IQCJ: variants seen among roughly 807,000 people sequenced by gnomAD.
IQCJ encodes the protein IQ domain-containing protein J.
IQCJ carries 9 observed loss-of-function variants against 11.0 expected under a neutral mutation model. That is an observed-to-expected ratio of 0.82 (90% CI 0.49 to 1.43). The LOEUF (loss-of-function observed/expected upper bound fraction) is 1.43. IQCJ is among the 40% of genes most tolerant of loss of function. IQCJ has a pLI of 0.00. For synonymous variants in IQCJ, 55 were observed against 51.3 expected (o/e 1.07, Z -0.31); for missense variants, 146 against 133.2 (o/e 1.10, Z -0.47).
intron 1 of IQCJ, among the ~76,000 whole-genome samples, chr3:159,203,037 C>G (rs975894723): frequency 6.6e-6 from 1 of 151,796 alleles, no homozygotes; most frequent in African/African-American, 2.4e-5. Context: ...TTGACCCATA[C>G]CTGATAACTG....
chr3:159,144,244 C>T (rs1350085426), intron 1 of IQCJ, among the ~76,000 whole-genome samples: 1 of 152,190 alleles, frequency 6.6e-6, no homozygotes, highest in Non-Finnish European at 1.5e-5. Flanking sequence ...TATTCAGTTG[C>T]AGATCCAGGA....
intron 1 of IQCJ, among the ~76,000 whole-genome samples, chr3:159,197,097 C>A (rs1012398240): frequency 6.6e-5 from 10 of 152,020 alleles, no homozygotes; most frequent in Non-Finnish European, 1.3e-4. Context: ...CTTCCTTTGC[C>A]ACTTGTATGT....
intron 1 of IQCJ, among the ~76,000 whole-genome samples, chr3:159,118,014 A>G (rs1458587842): frequency 6.6e-6 from 1 of 152,160 alleles, no homozygotes; most frequent in Non-Finnish European, 1.5e-5. Context: ...AAATAATTCC[A>G]TAAAAATGGT....
intron 1 of IQCJ, among the ~76,000 whole-genome samples, chr3:159,211,556 G>A (rs1205455466): frequency 6.6e-6 from 1 of 152,150 alleles, no homozygotes; most frequent in African/African-American, 2.4e-5. Flanking sequence ...ACTGTTTTTA[G>A]TTCTAAAGAG....
chr3:159,091,673 T>A (rs6777281), intron 1 of IQCJ, among the ~76,000 whole-genome samples: 4 of 10,992 alleles, frequency 3.6e-4, no homozygotes, highest in Non-Finnish European at 1.3e-3. Context: ...CACACACGCA[T>A]GCACACACAC....
chr3:159,163,301 A>G (rs1721978362), intron 1 of IQCJ, among the ~76,000 whole-genome samples: 1 of 152,232 alleles, frequency 6.6e-6, no homozygotes, highest in African/African-American at 2.4e-5. Flanking sequence ...TCCAGCATAT[A>G]AACAGAACCA....
chr3:159,257,170 G>C (rs1727942622), intron 3 of IQCJ, among the ~76,000 whole-genome samples: 1 of 152,184 alleles, frequency 6.6e-6, no homozygotes, highest in African/African-American at 2.4e-5. Context: ...CAGAACTGTG[G>C]AGTGGTCACT....
chr3:159,113,470 G>A (rs1054163803), intron 1 of IQCJ, among the ~76,000 whole-genome samples: 6 of 152,204 alleles, frequency 3.9e-5, no homozygotes. Flanking sequence ...CCTTGTGACA[G>A]CGTCTGTCAC....
chr3:159,069,568 A>T, intron 1 of IQCJ, 127 bp downstream of exon 1: 1 of 1,347,330 alleles, frequency 7.4e-7, no homozygotes, highest in Non-Finnish European at 1.0e-6. Context: ...CTTATAGAAC[A>T]GTGTGGGCTT....
chr3:159,082,236 T>C (rs568418334), intron 1 of IQCJ, among the ~76,000 whole-genome samples: 2 of 152,168 alleles, frequency 1.3e-5, no homozygotes, highest in South Asian at 4.1e-4. Context: ...AACAAAGATA[T>C]ATGAAAATTA....
chr3:159,250,626 C>A (rs575995164), intron 2 of IQCJ, among the ~76,000 whole-genome samples: 1 of 152,140 alleles, frequency 6.6e-6, no homozygotes, highest in Non-Finnish European at 1.5e-5. Flanking sequence ...GAGTGCCCAG[C>A]AATTGGGGGA....
intron 1 of IQCJ, among the ~76,000 whole-genome samples, chr3:159,214,691 A>T (rs1725131371): frequency 6.6e-6 from 1 of 152,154 alleles, no homozygotes; most frequent in Admixed American, 6.5e-5. Context: ...TCTTAGCACC[A>T]GTGTGGGGCC....
Position 159,087,346 on chromosome 3 carries a change from C to G in IQCJ, c.9+17905C>G, listed in dbSNP as rs535159861. Among the ~76,000 whole-genome samples, 381 of 149,722 alleles carry G rather than the reference C, an allele frequency of 2.5e-3. 1 individual carries two copies. The highest frequency in any genetic ancestry group is 3.4e-3 in the Middle Eastern group (1 of 292). The stretch of plus-strand genomic sequence containing the variant: ...AGTATTTTATTGAGGATTTTTGCAT[C>G]AATGTTCATCAAGGATATTGGTCTA... On this transcript the variant is annotated intron_variant, in intron 1 of 3. Transcript: ENST00000397832.
At chr3:159,214,643 C>A (rs1725126990) in intron 1 of IQCJ, among the ~76,000 whole-genome samples, 1 of 152,178 alleles carries the variant, frequency 6.6e-6, no homozygotes, top group Non-Finnish European at 1.5e-5. Flanking sequence ...GTTCTAACTT[C>A]CTTCTAGCTC....
At chr3:159,115,614 AAC>A (rs1718934798) in intron 1 of IQCJ, among the ~76,000 whole-genome samples, 1 of 152,218 alleles carries the variant, frequency 6.6e-6, no homozygotes, top group Non-Finnish European at 1.5e-5. Flanking sequence ...TTGTCTGACC[AAC>A]ATAGCTAGCT....
intron 1 of IQCJ, among the ~76,000 whole-genome samples, chr3:159,182,176 C>G (rs1723127194): frequency 6.6e-6 from 1 of 151,620 alleles, no homozygotes; most frequent in African/African-American, 2.4e-5. Flanking sequence ...CTTGGCTATT[C>G]CTACTAATTC....
intron 1 of IQCJ, among the ~76,000 whole-genome samples, chr3:159,169,262 C>T (rs9839263): frequency 0.4 from 56,047 of 138,640 alleles, 11,985 homozygotes; most frequent in South Asian, 0.57. Context: ...TTTTTTTTCC[C>T]TTTTCTTTCT....
chr3:159,072,773 T>G (rs1365888394), intron 1 of IQCJ, among the ~76,000 whole-genome samples: 1 of 152,098 alleles, frequency 6.6e-6, no homozygotes, highest in Non-Finnish European at 1.5e-5. Flanking sequence ...GAAACTGAGG[T>G]ACCGAGAAGT....
At chr3:159,187,653 C>T (rs1056340544) in intron 1 of IQCJ, among the ~76,000 whole-genome samples, 7 of 152,300 alleles carry the variant, frequency 4.6e-5, no homozygotes, top group Admixed American at 6.5e-5. Context: ...CTCTTCTTAA[C>T]GGCAGACGTT....
Sources: allele counts gnomAD v4.1 joint callset (sites outside exome capture counted in the v4.1 genomes callset), GRCh38; gene constraint gnomAD v4.1.1; transcripts MANE v1.5; gene names NCBI Gene and HGNC (gene_info 2026-07-23, HGNC 2026-07-21).